Variants in CTNS observed in about 807,000 individuals in gnomAD.
CTNS encodes cystinosin, lysosomal cystine transporter.
Under a neutral mutation model 43.7 loss-of-function variants are expected in CTNS, and 27 were observed. The observed-to-expected ratio is 0.62, with a 90% CI of 0.46 to 0.85. CTNS has a LOEUF of 0.85. Ranked by LOEUF, CTNS falls within the 40% of genes least tolerant of loss-of-function variation. The pLI is 0.00. For missense variants in CTNS, 457 were observed against 475.4 expected, an observed-to-expected ratio of 0.96 and a Z score of 0.36; for synonymous variants, 187 against 190.6, an observed-to-expected ratio of 0.98 and a Z score of 0.16.
Position 3,661,206 on chromosome 17 carries a change from G to C in CTNS, c.*837G>C. 1 of 206,388 alleles carries C rather than the reference G, an allele frequency of 4.8e-6. No individual in the cohort carries two copies. Among genetic ancestry groups the C allele is most frequent in the Admixed American group, 5.3e-5 (1 of 19,024 alleles). 12.8% of individuals were successfully genotyped at this position (206,388 alleles called of 1,614,324 possible). Reference sequence around the variant, plus strand: ...AGTCTGTGCCTTAGAGGTCTGTTAGGCCTGCCAAACGGCGACCAGCTCCCC... The same window carrying C: ...AGTCTGTGCCTTAGAGGTCTGTTAGCCCTGCCAAACGGCGACCAGCTCCCC... On this transcript the variant is annotated 3_prime_UTR_variant, in exon 12 of 12. Coordinates refer to ENST00000046640, the MANE Select transcript of CTNS (RefSeq NM_004937.3).
At chr17:3,646,096 C>T (rs921041253) in intron 3 of CTNS, among the ~76,000 whole-genome samples, 2 of 152,030 alleles carry the variant, frequency 1.3e-5, no homozygotes, top group Admixed American at 6.6e-5. Context: ...AGAGTCATGA[C>T]CATAACCCCA....
At chr17:3,645,121 G>A (rs1312411639) in intron 3 of CTNS, among the ~76,000 whole-genome samples, 1 of 152,212 alleles carries the variant, frequency 6.6e-6, no homozygotes, top group African/African-American at 2.4e-5. Context: ...GGTACAGGAA[G>A]TCCCAGCTAT....
At position 3,642,172 on chromosome 17, in the gene CTNS, C is replaced by T. The variant is rs972673602; in HGVS notation, c.61+1905C>T. Among the ~76,000 whole-genome samples, 12 of 150,702 alleles carry T rather than the reference C, an allele frequency of 8.0e-5. No homozygotes were observed. The East Asian group carries it at 1.2e-3, about 15-fold the overall frequency. The stretch of plus-strand genomic sequence containing the variant: ...GTGTGTGTGTGTGTGTGTGCCCAGT[C>T]GCTCATACATACTCTTTAAAGCCCC... On this transcript the variant is annotated intron_variant, in intron 3 of 11. Transcript: ENST00000046640.
At chr17:3,657,664 C>A in intron 9 of CTNS, 1 of 393,604 alleles carries the variant, frequency 2.5e-6, no homozygotes, top group Non-Finnish European at 4.8e-6. Flanking sequence ...GAGTTCCGAC[C>A]CCACGTCTCC....
chr17:3,649,040 C>G, intron 5 of CTNS, 109 bp downstream of exon 5: 1 of 908,106 alleles, frequency 1.1e-6, no homozygotes, highest in South Asian at 1.3e-5. Context: ...TTCCATCAAC[C>G]TAGAAATCTG....
At chr17:3,642,430 G>C (rs897598078) in intron 3 of CTNS, among the ~76,000 whole-genome samples, 1 of 152,180 alleles carries the variant, frequency 6.6e-6, no homozygotes, top group Non-Finnish European at 1.5e-5. Context: ...GTTCACGCCT[G>C]TAATCCCAGC....
chr17:3,638,898 G>T (rs2075608109), intron 2 of CTNS, among the ~76,000 whole-genome samples: 1 of 152,190 alleles, frequency 6.6e-6, no homozygotes. Flanking sequence ...CCCAGAGGAG[G>T]CCAGAGAGTA....
In CTNS at chr17:3,640,195, A is replaced by G. The variant is rs1567694865; in HGVS notation, c.-12A>G. On this transcript the variant is annotated 5_prime_UTR_variant, in exon 3 of 12. Coordinates refer to ENST00000046640, the MANE Select transcript of CTNS (RefSeq NM_004937.3). ...TGCTGTTTTTCTTCCTAGTTCTGAG[A>G]AATCGAGAAACATGATAAGGAATTG... 2.5e-6 allele frequency: 4 copies of G among 1,613,460 alleles called. No individual in the cohort carries two copies. In the South Asian group the frequency reaches 4.4e-5, roughly 18 times the overall value.
rs199518474 is a variant in CTNS, at chr17:3,658,055, G to A, written c.732G>A (p.Ala244=). 39 of 1,611,856 alleles carry A rather than the reference G, an allele frequency of 2.4e-5. No homozygotes were observed. Among genetic ancestry groups the A allele is most frequent in the South Asian group, 1.8e-4 (16 of 91,016 alleles). ...SWPAIGFLVL[A]WLFAFVTMIV... ...CTGCCATCGGCTTCCTGGTGCTCGC[G>A]TGGCTCTTCGCATTTGTCACCATGA... is the stretch of plus-strand genomic sequence containing the variant. Residue 244 remains alanine, a synonymous_variant, in exon 10 of 12, where the codon GCG becomes GCA. Transcript: ENST00000046640.
intron 3 of CTNS, among the ~76,000 whole-genome samples, chr17:3,646,298 T>TG (rs1417851335): frequency 1.3e-5 from 2 of 149,998 alleles, no homozygotes; most frequent in Non-Finnish European, 3.0e-5. Context: ...CTTTCTTTTT[T>TG]TTTTTTTTTT....
intron 3 of CTNS, among the ~76,000 whole-genome samples, chr17:3,645,074 T>C (rs372249250): frequency 6.6e-6 from 1 of 152,224 alleles, no homozygotes; most frequent in African/African-American, 2.4e-5. Flanking sequence ...CTTGCTTATC[T>C]GGCATGGTCC....
At position 3,660,336 on chromosome 17, in the gene CTNS, C is replaced by T. The variant is rs1210146657; in HGVS notation, c.1071C>T (p.Tyr357=). 2.5e-6 allele frequency: 4 copies of T among 1,614,122 alleles called. No homozygotes were observed. Among genetic ancestry groups the T allele is most frequent in the Non-Finnish European group, 8.5e-7 (1 of 1,180,060 alleles). Residue 357 remains tyrosine, a synonymous_variant, in exon 12 of 12, where the codon TAC becomes TAT. Transcript: ENST00000046640. ...TCTTCATCCAGCACTTCTGTTTGTA[C>T]AGAAAGAGACCGGGGTATGACCAGC... ...VVFFIQHFCL[Y]RKRPGYDQLN
intron 3 of CTNS, among the ~76,000 whole-genome samples, chr17:3,643,659 C>T (rs1268565175): frequency 6.6e-6 from 1 of 152,026 alleles, no homozygotes; most frequent in Non-Finnish European, 1.5e-5. Flanking sequence ...CTCTGCCTCC[C>T]GGGTTCAAGC....
intron 9 of CTNS, 117 bp downstream of exon 9, chr17:3,656,912 A>G: frequency 7.2e-6 from 11 of 1,519,400 alleles, no homozygotes; most frequent in Non-Finnish European, 9.8e-6. Context: ...TCATTCATCC[A>G]GGTCCTGTGC....
intron 5 of CTNS, chr17:3,650,287 C>T (rs761763226): frequency 1.2e-5 from 18 of 1,549,984 alleles, no homozygotes; most frequent in Non-Finnish European, 1.5e-5. Context: ...GAGTGAAACA[C>T]GATCAGTCTC....
chr17:3,641,858 G>A (rs2075716938), intron 3 of CTNS, among the ~76,000 whole-genome samples: 1 of 152,170 alleles, frequency 6.6e-6, no homozygotes, highest in African/African-American at 2.4e-5. Context: ...AGTAATGTTT[G>A]TAGTCACACT....
intron 5 of CTNS, chr17:3,650,107 A>C: frequency 6.5e-7 from 1 of 1,526,966 alleles, no homozygotes; most frequent in Non-Finnish European, 8.8e-7. Context: ...GTATGCATAC[A>C]TCAAAGCATC....
chr17:3,641,384 A>ATATATATATATATTTTTT (rs1555558526), intron 3 of CTNS, among the ~76,000 whole-genome samples: 1 of 31,204 alleles, frequency 3.2e-5, no homozygotes, highest in African/African-American at 2.3e-4. Flanking sequence ...ATATATATAT[A>ATATATATATATATTTTTT]TTTTTTTTTT....
intron 5 of CTNS, among the ~76,000 whole-genome samples, chr17:3,653,819 T>C (rs770410971): frequency 6.6e-5 from 10 of 151,350 alleles, no homozygotes; most frequent in South Asian, 2.1e-4. Context: ...GAGTTTGCAG[T>C]GAGCTGAGAT....
Sources: gnomAD v4.1 joint callset for allele counts (sites outside exome capture counted in the v4.1 genomes callset) on GRCh38, gnomAD v4.1.1 for gene constraint, MANE v1.5 for transcripts, NCBI Gene and HGNC (gene_info 2026-07-23, HGNC 2026-07-21) for gene names.